Variants in SPN observed in about 807,000 individuals in gnomAD.
SPN encodes sialophorin.
Under a neutral mutation model 8.4 loss-of-function variants are expected in SPN, and 6 were observed. That is an observed-to-expected ratio of 0.72 (90% confidence interval 0.39 to 1.42). The LOEUF is 1.42. SPN is among the 40% of genes most tolerant of loss of function. The pLI is 0.02. For missense variants in SPN, 517 were observed against 530.6 expected, an observed-to-expected ratio of 0.97 and a Z score of 0.25; for synonymous variants, 201 against 222.6, an observed-to-expected ratio of 0.90 and a Z score of 0.86.
rs202146424 is a variant in SPN, at chr16:29,664,909, G to C, written c.1181G>C (p.Gly394Ala). Residue 394 changes from glycine to alanine, a missense_variant, in exon 2 of 2, where the codon GGG becomes GCG. Gly to Ala is a moderately conservative substitution (Grantham distance 60, BLOSUM62 0). Coordinates refer to ENST00000652691, the MANE Select transcript of SPN (RefSeq NM_003123.6). This position sits in a 1 kb window ranked among gnomAD's most constrained non-coding sequence, Gnocchi z 6.4. ...GCCCCAGCTCCTGATGAGCCCGAAG[G>C]GGGAGACGGGGCTGCCCCTTAAGTG... The part of the protein sequence containing the change: ...VDAPAPDEPE[G>A]GDGAAP The C allele has an allele frequency of 5.6e-4, 798 of 1,427,718 alleles. 1 individual carries two copies. Among genetic ancestry groups the C allele is most frequent in the Non-Finnish European group, 6.2e-4 (672 of 1,088,926 alleles). The allele number at this position is 1,427,718 out of a possible 1,614,324, so 88.4% of individuals were successfully genotyped here.
chr16:29,666,817 C>G lies in SPN; in HGVS notation c.*1886C>G, dbSNP rs1254565462. On this transcript the variant is annotated 3_prime_UTR_variant, in exon 2 of 2. Coordinates refer to ENST00000652691, the MANE Select transcript of SPN (RefSeq NM_003123.6). ...GAACTCAATGGTGCTGCCTTTGAGA[C>G]CAGCCCAGGCTACAGCCCAGGAGCA... The G allele has an allele frequency of 2.2e-6, 1 of 445,422 alleles. No individual in the cohort carries two copies. The highest frequency in any genetic ancestry group is 4.7e-6 in the Non-Finnish European group (1 of 211,936). The allele number at this position is 445,422 out of a possible 1,614,324, so 27.6% of individuals were successfully genotyped here.
rs372690423 is a variant in SPN, at chr16:29,664,631, C to T, written c.903C>T (p.Asp301=). The change falls in exon 2 of 2, where the codon GAC becomes GAT. Residue 301 remains aspartate, a synonymous_variant. Transcript: ENST00000652691. The surrounding 1 kb of genome is among the most constrained non-coding windows in gnomAD (Gnocchi z 6.4). ...GCGGCAAGCGTAACGGGGTGGTGGA[C>T]GCCTGGGCTGGGCCAGCCCAGGTCC... is the stretch of plus-strand genomic sequence containing the variant. ...SRGGKRNGVV[D]AWAGPAQVPE... The T allele has an allele frequency of 4.0e-5, 63 of 1,580,626 alleles. No individual in the cohort carries two copies. Among genetic ancestry groups the T allele is most frequent in the Middle Eastern group, 1.7e-4 (1 of 5,928 alleles).
chr16:29,664,765 T>C lies in SPN; in HGVS notation c.1037T>C (p.Phe346Ser). The C allele has an allele frequency of 2.0e-6, 3 of 1,493,776 alleles. No homozygotes were observed. Among genetic ancestry groups the C allele is most frequent in the Non-Finnish European group, 2.7e-6 (3 of 1,123,728 alleles). The allele number at this position is 1,493,776 out of a possible 1,614,324, so 92.5% of individuals were successfully genotyped here. ...SSRRPTLTTF[F>S]GRRKSRQGSL... ...CGTCGGCCCACGCTCACCACTTTCT[T>C]TGGCAGACGGAAGTCTCGCCAGGGC... Residue 346 changes from phenylalanine (F) to serine (S), a missense_variant, in exon 2 of 2, where the codon TTT becomes TCT. Coordinates refer to ENST00000652691, the MANE Select transcript of SPN (RefSeq NM_003123.6). This position sits in a 1 kb window ranked among gnomAD's most constrained non-coding sequence, Gnocchi z 6.4.
rs1372252652 is a variant in SPN, at chr16:29,666,544, ACACACACACGCGCG to A, written c.*1615_*1628del. The A allele has an allele frequency of 6.1e-4, 121 of 198,006 alleles. No homozygotes were observed. Among genetic ancestry groups the A allele is most frequent in the African/African-American group, 2.8e-3 (112 of 39,822 alleles). The allele number at this position is 198,006 out of a possible 1,614,324, so 12.3% of individuals were successfully genotyped here. ...CTCTCTCACACACACACACACACAC[ACACACACACGCGCG>A]CGCGCGCGCGCTCTCCTGCGAACAG... On this transcript the variant is annotated 3_prime_UTR_variant, in exon 2 of 2. Coordinates refer to ENST00000652691, the MANE Select transcript of SPN (RefSeq NM_003123.6).
Position 29,666,548 on chromosome 16 carries a change from A to ACGCGCGCG in SPN, c.*1618_*1619insGCGCGCGC, listed in dbSNP as rs1269932662. ...CTCACACACACACACACACACACACACACACGCGCGCGCGCGCGCGCTCTC... is the reference window on the plus strand; with the variant it reads ...CTCACACACACACACACACACACACACGCGCGCGCACACGCGCGCGCGCGCGCGCTCTC... On this transcript the variant is annotated 3_prime_UTR_variant, in exon 2 of 2. Transcript: ENST00000652691. The ACGCGCGCG allele has an allele frequency of 1.9e-4, 34 of 177,018 alleles. No individual in the cohort carries two copies. The highest frequency in any genetic ancestry group is 7.7e-4 in the Admixed American group (10 of 13,026). The allele number at this position is 177,018 out of a possible 1,614,324, so 11.0% of individuals were successfully genotyped here. A position where few individuals can be genotyped will look rare whatever the true frequency, so the allele number is the denominator to read the frequency against.
At position 29,665,798 on chromosome 16, in the gene SPN, G is replaced by A. The variant is rs1438464185; in HGVS notation, c.*867G>A. On this transcript the variant is annotated 3_prime_UTR_variant, in exon 2 of 2. Coordinates refer to ENST00000652691, the MANE Select transcript of SPN (RefSeq NM_003123.6). Reference sequence around the variant, plus strand: ...TCTGGGCCCCCCAGGCCAGCCTGGAGCATGGCTGGGTGGGGCCACCAGCCC... The same window carrying A: ...TCTGGGCCCCCCAGGCCAGCCTGGAACATGGCTGGGTGGGGCCACCAGCCC... The A allele has an allele frequency of 1.2e-5, 2 of 167,000 alleles. No homozygotes were observed. The highest frequency in any genetic ancestry group is 2.9e-5 in the Non-Finnish European group (2 of 68,168). The allele number at this position is 167,000 out of a possible 1,614,324, so 10.3% of individuals were successfully genotyped here.
In SPN at chr16:29,664,957, G is replaced by A. The variant is rs1472780343; in HGVS notation, c.*26G>A. The stretch of plus-strand genomic sequence containing the variant: ...GTGTCGGTGAATAGTGAGGCTGGAG[G>A]CCGGAATCTCAGCCAGCCTCCAGCA... On this transcript the variant is annotated 3_prime_UTR_variant, in exon 2 of 2. Coordinates refer to ENST00000652691, the MANE Select transcript of SPN (RefSeq NM_003123.6). This position sits in a 1 kb window ranked among gnomAD's most constrained non-coding sequence, Gnocchi z 6.4. 7.4e-7 allele frequency: 1 copy of A among 1,351,386 alleles called. No individual in the cohort carries two copies. The allele number at this position is 1,351,386 out of a possible 1,614,324, so 83.7% of individuals were successfully genotyped here. A position where few individuals can be genotyped will look rare whatever the true frequency, so the allele number is the denominator to read the frequency against.
Position 29,663,658 on chromosome 16 carries a change from T to TC in SPN, c.-34-34dup. On this transcript the variant is annotated intron_variant, in intron 1 of 1. Transcript: ENST00000652691. The surrounding 1 kb of genome is among the most constrained non-coding windows in gnomAD (Gnocchi z 4.3). The stretch of plus-strand genomic sequence containing the variant: ...AGGCCCGGCCAGGTCCTCCGGCAAC[T>TC]CCCGCGTGTTCTGCTTCTCCGGCTG... 6.6e-7 allele frequency: 1 copy of TC among 1,509,358 alleles called. No individual in the cohort carries two copies. Among genetic ancestry groups the TC allele is most frequent in the South Asian group, 1.3e-5 (1 of 74,582 alleles). 93.5% of individuals were successfully genotyped at this position (1,509,358 alleles called of 1,614,324 possible). A position where few individuals can be genotyped will look rare whatever the true frequency, so the allele number is the denominator to read the frequency against.
rs547505514 is a variant in SPN at position 29,665,115 on chromosome 16, C to T, written c.*184C>T. 9 of 613,270 alleles carry T rather than the reference C, an allele frequency of 1.5e-5. No homozygotes were observed. The South Asian group carries it at 2.6e-4, about 18-fold the overall frequency. The allele number at this position is 613,270 out of a possible 1,614,324, so 38.0% of individuals were successfully genotyped here. On this transcript the variant is annotated 3_prime_UTR_variant, in exon 2 of 2. Coordinates refer to ENST00000652691, the MANE Select transcript of SPN (RefSeq NM_003123.6). ...TTGTCGCCCAGGCTGGAGTGCAATG[C>T]ACGATCTCAGTTCACTGCAACCTCT...
chr16:29,665,211 T>C lies in SPN; in HGVS notation c.*280T>C, dbSNP rs1966794906. On this transcript the variant is annotated 3_prime_UTR_variant, in exon 2 of 2. Coordinates refer to ENST00000652691, the MANE Select transcript of SPN (RefSeq NM_003123.6). ...CTGAGATTACAGGCACCCACCACCA[T>C]GCCCAGCTGCTTTTTTGTATTTTTG... The C allele has an allele frequency of 9.2e-6, 3 of 326,692 alleles. No individual in the cohort carries two copies. Among genetic ancestry groups the C allele is most frequent in the Non-Finnish European group, 1.7e-5 (3 of 177,254 alleles). The allele number at this position is 326,692 out of a possible 1,614,324, so 20.2% of individuals were successfully genotyped here. A position where few individuals can be genotyped will look rare whatever the true frequency, so the allele number is the denominator to read the frequency against.
chr16:29,663,987 TC>T lies in SPN; in HGVS notation c.263del (p.Pro88LeufsTer33). 1.2e-6 allele frequency: 2 copies of T among 1,613,994 alleles called. No individual in the cohort carries two copies. Among genetic ancestry groups the T allele is most frequent in the South Asian group, 1.1e-5 (1 of 91,074 alleles). ...LWTSIGASTG[S>X]PLPEPTTYQE... ...GACTTCCATTGGTGCCAGCACTGGT[TC>T]CCCTTTACCTGAGCCAACAACCTAC... On this transcript the variant is annotated frameshift_variant, in exon 2 of 2. Coordinates refer to ENST00000652691, the MANE Select transcript of SPN (RefSeq NM_003123.6). LOFTEE classifies it low-confidence loss of function (END_TRUNC). The surrounding 1 kb of genome is among the most constrained non-coding windows in gnomAD (Gnocchi z 4.3).
chr16:29,670,063 G>A lies in SPN; in HGVS notation c.*5132G>A, dbSNP rs1966844806. 1 of 166,156 alleles carries A rather than the reference G, an allele frequency of 6.0e-6. No individual in the cohort carries two copies. Among genetic ancestry groups the A allele is most frequent in the African/African-American group, 2.4e-5 (1 of 41,294 alleles). 10.3% of individuals were successfully genotyped at this position (166,156 alleles called of 1,614,324 possible). ...ATATGAAAAATTAGCCAGGTGTAGTGGTGTGCGCCTGTGGTACCAGCTACT... is the reference window on the plus strand; with the variant it reads ...ATATGAAAAATTAGCCAGGTGTAGTAGTGTGCGCCTGTGGTACCAGCTACT... On this transcript the variant is annotated 3_prime_UTR_variant, in exon 2 of 2. Coordinates refer to ENST00000652691, the MANE Select transcript of SPN (RefSeq NM_003123.6).
At position 29,668,084 on chromosome 16, in the gene SPN, C is replaced by T. The variant is rs1046923545; in HGVS notation, c.*3153C>T. ...AGATTCCAGTGGCTGAGCAGAAGGGCTCGCATTGCCCTGGCGAAAGGTTGG... is the reference window on the plus strand; with the variant it reads ...AGATTCCAGTGGCTGAGCAGAAGGGTTCGCATTGCCCTGGCGAAAGGTTGG... On this transcript the variant is annotated 3_prime_UTR_variant, in exon 2 of 2. Transcript: ENST00000652691. The T allele has an allele frequency of 6.0e-6, 1 of 167,084 alleles. No homozygotes were observed. The highest frequency in any genetic ancestry group is 2.4e-5 in the African/African-American group (1 of 41,446). The allele number at this position is 167,084 out of a possible 1,614,324, so 10.4% of individuals were successfully genotyped here. A position where few individuals can be genotyped will look rare whatever the true frequency, so the allele number is the denominator to read the frequency against.
chr16:29,666,696 G>C lies in SPN; in HGVS notation c.*1765G>C. On this transcript the variant is annotated 3_prime_UTR_variant, in exon 2 of 2. Transcript: ENST00000652691. ...TGTCTCCTCTTCCATCCCAGGGGCT[G>C]AGCCCCTTCCATCCTCCAAGAGGAA... 2.8e-6 allele frequency: 1 copy of C among 351,910 alleles called. No homozygotes were observed. The highest frequency in any genetic ancestry group is 2.3e-5 in the South Asian group (1 of 43,368). 21.8% of individuals were successfully genotyped at this position (351,910 alleles called of 1,614,324 possible).
chr16:29,668,303 C>T lies in SPN; in HGVS notation c.*3372C>T, dbSNP rs562814951. 2.6e-5 allele frequency: 4 copies of T among 152,920 alleles called. No homozygotes were observed. The highest frequency in any genetic ancestry group is 7.2e-5 in the African/African-American group (3 of 41,566). 9.5% of individuals were successfully genotyped at this position (152,920 alleles called of 1,614,324 possible). ...CTCCCGGGCACAAGAGATCCACCTG[C>T]CTCAGCCTCCCAAAATGCTGGGACT... On this transcript the variant is annotated 3_prime_UTR_variant, in exon 2 of 2. Coordinates refer to ENST00000652691, the MANE Select transcript of SPN (RefSeq NM_003123.6).
In SPN at chr16:29,667,921, C is replaced by A. The variant is rs528554404; in HGVS notation, c.*2990C>A. On this transcript the variant is annotated 3_prime_UTR_variant, in exon 2 of 2. Coordinates refer to ENST00000652691, the MANE Select transcript of SPN (RefSeq NM_003123.6). ...ATGTGTGTACGTGTGCATGTGCGTG[C>A]GTGCATGTGCGTGCGTGCATGTGCC... 1 of 166,262 alleles carries A rather than the reference C, an allele frequency of 6.0e-6. No individual in the cohort carries two copies. The allele number at this position is 166,262 out of a possible 1,614,324, so 10.3% of individuals were successfully genotyped here.
rs61534947 is a variant in SPN, at chr16:29,666,524, TCACACACACA to T, written c.*1613_*1622del. 4 of 137,522 alleles carry T rather than the reference TCACACACACA, an allele frequency of 2.9e-5. No homozygotes were observed. Among genetic ancestry groups the T allele is most frequent in the Non-Finnish European group, 4.6e-5 (3 of 64,660 alleles). 8.5% of individuals were successfully genotyped at this position (137,522 alleles called of 1,614,324 possible). ...TGCGCTCTCTCTCTCTCTCTCTCTC[TCACACACACA>T]CACACACACACACACACACGCGCGC... On this transcript the variant is annotated 3_prime_UTR_variant, in exon 2 of 2. Transcript: ENST00000652691.
rs1283932598 is a variant in SPN, at chr16:29,664,693, C to A, written c.965C>A (p.Ser322Tyr). Residue 322 changes from serine to tyrosine, a missense_variant, in exon 2 of 2, where the codon TCC becomes TAC. Physicochemically the swap from Ser to Tyr is moderately radical, Grantham distance 144. Transcript: ENST00000652691. The surrounding 1 kb of genome is among the most constrained non-coding windows in gnomAD (Gnocchi z 6.4). ...GCCGTGACAGTGACCGTGGGAGGGT[C>A]CGGGGGCGACAAGGGCTCTGGGTTC... ...EGAVTVTVGGSGGDKGSGFPD... is the reference protein window; with the variant it reads ...EGAVTVTVGGYGGDKGSGFPD... 3 of 1,488,490 alleles carry A rather than the reference C, an allele frequency of 2.0e-6. No homozygotes were observed. The East Asian group carries it at 7.1e-5, about 35-fold the overall frequency. The allele number at this position is 1,488,490 out of a possible 1,614,324, so 92.2% of individuals were successfully genotyped here. A position where few individuals can be genotyped will look rare whatever the true frequency, so the allele number is the denominator to read the frequency against.
In SPN at chr16:29,663,911, G is replaced by A. The variant is rs1297215900; in HGVS notation, c.183G>A (p.Gln61=). 1 of 1,614,072 alleles carries A rather than the reference G, an allele frequency of 6.2e-7. No individual in the cohort carries two copies. The highest frequency in any genetic ancestry group is 1.3e-5 in the African/African-American group (1 of 75,024). Residue 61 remains glutamine, a synonymous_variant, in exon 2 of 2, where the codon CAG becomes CAA. Coordinates refer to ENST00000652691, the MANE Select transcript of SPN (RefSeq NM_003123.6). The surrounding 1 kb of genome is among the most constrained non-coding windows in gnomAD (Gnocchi z 4.3). ...CTAAGGCCGACAGCACTGGGGACCA[G>A]ACCTCAGCCCTACCTCCCTCAACTT... ...SDPKADSTGD[Q]TSALPPSTSI...
Sources: gnomAD v4.1 joint callset for allele counts on GRCh38, gnomAD v4.1.1 for gene constraint, Gnocchi (gnomAD v3.1) non-coding constraint, MANE v1.5 for transcripts, NCBI Gene and HGNC (gene_info 2026-07-23, HGNC 2026-07-21) for gene names.